Variants in ADGRE2 observed in about 807,000 individuals in gnomAD.
ADGRE2 encodes the protein CD97 antigen.
Under a neutral mutation model 100.8 loss-of-function variants are expected in ADGRE2, and 83 were observed. The ratio of observed to expected loss-of-function variants is 0.82; its 90% CI spans 0.69 to 0.99. ADGRE2 has a LOEUF of 0.99. ADGRE2 is among the 50% of genes least tolerant of loss of function. The pLI, the probability that ADGRE2 is intolerant of heterozygous loss-of-function variation, is 0.00. For missense variants in ADGRE2, 814 were observed against 1,035.7 expected (o/e 0.79, Z 2.94); for synonymous variants, 355 against 413.0 (o/e 0.86, Z 1.70).
At chr19:14,755,481 G>C (rs1330293786) in intron 13 of ADGRE2, among the ~76,000 whole-genome samples, 173 bp downstream of exon 13, 3 of 151,974 alleles carry the variant, frequency 2.0e-5, no homozygotes, top group Non-Finnish European at 2.9e-5. Flanking sequence ...GGTGTGAGCT[G>C]GTGGGTCGGA....
In ADGRE2 at chr19:14,777,450, C is replaced by T. The variant is rs142652514; in HGVS notation, c.-171-523G>A. ...TTTGAGACCAGCCTGGGCAACATGG[C>T]GAAGCTCGGTTTCTTTCTTTCTTTT... On this transcript the variant is annotated intron_variant, in intron 1 of 20. Coordinates refer to ENST00000315576, the MANE Select transcript of ADGRE2 (RefSeq NM_013447.4). 7.2e-5 allele frequency among the ~76,000 whole-genome samples: 11 copies of T among 151,876 alleles called. No homozygotes were observed. The East Asian group carries it at 1.7e-3, about 24-fold the overall frequency.
At chr19:14,756,005 A>G (rs2043490246) in intron 12 of ADGRE2, 128 bp from the exon 13 acceptor site, 1 of 802,458 alleles carries the variant, frequency 1.2e-6, no homozygotes, top group African/African-American at 1.7e-5. Flanking sequence ...CCCCTCCCAC[A>G]CTTTCCTTCA....
At chr19:14,766,119 A>G (rs773501050) in intron 7 of ADGRE2, 116 bp downstream of exon 7, 1 of 1,543,980 alleles carries the variant, frequency 6.5e-7, no homozygotes. Context: ...AGAAGAATGA[A>G]CGCCTGACAC....
chr19:14,729,186 A>C (rs546795312), downstream of ADGRE2, among the ~76,000 whole-genome samples: 53 of 152,200 alleles, frequency 3.5e-4, no homozygotes, highest in African/African-American at 1.1e-3. Context: ...TTTGAAGAGA[A>C]ACCGAGAGAT....
intron 16 of ADGRE2, 63 bp downstream of exon 16, chr19:14,751,373 T>C: frequency 7.9e-7 from 1 of 1,259,374 alleles, no homozygotes. Context: ...AAATGCTATC[T>C]AGGTTCTAGC....
At chr19:14,763,247 A>G (rs1188506346) in intron 11 of ADGRE2, among the ~76,000 whole-genome samples, 2 of 151,840 alleles carry the variant, frequency 1.3e-5, no homozygotes, top group South Asian at 2.1e-4. Flanking sequence ...GGAGGCTGAG[A>G]CAGGAGAATG....
At chr19:14,764,750 G>A in intron 10 of ADGRE2, 140 bp from the exon 11 acceptor site, 1 of 848,852 alleles carries the variant, frequency 1.2e-6, no homozygotes, top group Non-Finnish European at 1.8e-6. Context: ...TGGGCGCGGT[G>A]GCTCACGCCT....
At position 14,743,420 on chromosome 19, in the gene ADGRE2, C is replaced by T. The variant is rs202101555; in HGVS notation, c.2463G>A (p.Thr821=). The T allele has an allele frequency of 2.4e-5, 39 of 1,613,306 alleles. No individual in the cohort carries two copies. Among genetic ancestry groups the T allele is most frequent in the Middle Eastern group, 3.3e-4 (2 of 6,062 alleles). ...GCTCTGGAGCAATGCGTGATCTTAC[C>T]GTGCTGGGTTTGGAGGTGTCAGCCT... The part of the protein sequence containing the change: ...SAKADTSKPS[T]VN Residue 821 remains threonine (T), a splice_region_variant and synonymous_variant, in exon 20 of 21, where the codon ACG becomes ACA. Transcript: ENST00000315576.
At chr19:14,758,119 C>A (rs948302105) in intron 11 of ADGRE2, among the ~76,000 whole-genome samples, 1 of 152,106 alleles carries the variant, frequency 6.6e-6, no homozygotes, top group Non-Finnish European at 1.5e-5. Flanking sequence ...TCAATGAATT[C>A]TTAAATATGA....
chr19:14,769,346 G>C (rs978438464), intron 5 of ADGRE2, among the ~76,000 whole-genome samples: 2 of 152,168 alleles, frequency 1.3e-5, no homozygotes, highest in East Asian at 1.9e-4. Context: ...TTTGGATAGC[G>C]ACAGGTGACC....
chr19:14,728,199 C>T (rs894696326), downstream of ADGRE2, among the ~76,000 whole-genome samples: 9 of 152,140 alleles, frequency 5.9e-5, no homozygotes, highest in Non-Finnish European at 1.2e-4. Context: ...GGCGACAGAG[C>T]GAGACTCCGT....
chr19:14,739,297 G>A (rs1485032804), intron 20 of ADGRE2, among the ~76,000 whole-genome samples: 1 of 152,054 alleles, frequency 6.6e-6, no homozygotes. Flanking sequence ...AAACACCAGA[G>A]ATAACAAGTT....
At chr19:14,736,558 C>T (rs984140292) in intron 20 of ADGRE2, among the ~76,000 whole-genome samples, 2 of 122,616 alleles carry the variant, frequency 1.6e-5, no homozygotes, top group Admixed American at 8.4e-5. Context: ...ACTGAGCTGG[C>T]CTGAAATATA....
At chr19:14,774,170 C>T in intron 3 of ADGRE2, 86 bp downstream of exon 3, 1 of 1,521,154 alleles carries the variant, frequency 6.6e-7, no homozygotes, top group East Asian at 2.3e-5. Flanking sequence ...CTCTCTTTCC[C>T]TGGGCTGAAG....
Position 14,759,815 on chromosome 19 carries a change from ATT to A in ADGRE2, c.1085-3472_1085-3471del, listed in dbSNP as rs71333311. ...AGCCACCTCTCCGCTTATTAAGCAG[ATT>A]TTTTTTTTTTTTTTTTTTTGAGACG... is the stretch of plus-strand genomic sequence containing the variant. On this transcript the variant is annotated intron_variant, in intron 11 of 20. Coordinates refer to ENST00000315576, the MANE Select transcript of ADGRE2 (RefSeq NM_013447.4). Among the ~76,000 whole-genome samples, 599 of 95,510 alleles carry A rather than the reference ATT, an allele frequency of 6.3e-3. 2 individuals carry two copies. Among genetic ancestry groups the A allele is most frequent in the African/African-American group, 0.025 (547 of 21,518 alleles). The allele number at this position is 95,510 out of a possible 152,430, so 62.7% of individuals were successfully genotyped here. A position where few individuals can be genotyped will look rare whatever the true frequency, so the allele number is the denominator to read the frequency against.
intron 10 of ADGRE2, 109 bp from the exon 11 acceptor site, chr19:14,764,719 GA>G: frequency 8.3e-7 from 1 of 1,206,180 alleles, no homozygotes; most frequent in Non-Finnish European, 1.1e-6. Context: ...CTATCTGGGG[GA>G]TGAAGATGGC....
In ADGRE2 at chr19:14,751,648, AC is replaced by A. The variant is rs1290303663; in HGVS notation, c.1811del (p.Gly604ValfsTer11). ...TGGCCAGGTAGAGATAGTGCAAGGT[AC>A]CGGCGATGATGGAGCACAGCACCTG... is the stretch of plus-strand genomic sequence containing the variant. ...GHKVLCSIIA[G>X]TLHYLYLATL... On this transcript the variant is annotated frameshift_variant, in exon 16 of 21. Coordinates refer to ENST00000315576, the MANE Select transcript of ADGRE2 (RefSeq NM_013447.4). LOFTEE classifies it high-confidence loss of function. The A allele has an allele frequency of 1.2e-6, 2 of 1,614,048 alleles. No homozygotes were observed.
the ADGRE2 span, among the ~76,000 whole-genome samples, chr19:14,727,204 A>G: frequency 6.6e-6 from 1 of 151,614 alleles, no homozygotes; most frequent in African/African-American, 2.4e-5. Context: ...ATTTTTTTGT[A>G]TTTTTAGTAG....
intron 11 of ADGRE2, among the ~76,000 whole-genome samples, chr19:14,757,262 T>A (rs2043533405): frequency 6.6e-6 from 1 of 152,190 alleles, no homozygotes; most frequent in Non-Finnish European, 1.5e-5. Flanking sequence ...TGTTCATGGA[T>A]TGGAAGACTT....
Sources: allele counts gnomAD v4.1 joint callset (sites outside exome capture counted in the v4.1 genomes callset), GRCh38; gene constraint gnomAD v4.1.1; transcripts MANE v1.5; gene names NCBI Gene and HGNC (gene_info 2026-07-23, HGNC 2026-07-21).